The following ARHGEF28 variants were observed in gnomAD, a reference collection of about 807,000 sequenced individuals.
ARHGEF28 encodes the protein 190 kDa guanine nucleotide exchange factor.
ARHGEF28 carries 152 observed loss-of-function variants against 206.6 expected under a neutral mutation model. That is an observed-to-expected ratio of 0.74 (90% confidence interval 0.64 to 0.84). The LOEUF (loss-of-function observed/expected upper bound fraction) is 0.84, where lower values mean the gene tolerates loss of function less well. Among genes scored for constraint, ARHGEF28 ranks in the 40% least tolerant of loss-of-function variants. ARHGEF28 has a pLI of 0.00. For synonymous variants in ARHGEF28, 763 were observed against 776.4 expected (o/e 0.98, Z 0.29); for missense variants, 2,028 against 2,073.2 (o/e 0.98, Z 0.42).
intron 1 of ARHGEF28, among the ~76,000 whole-genome samples, chr5:73,666,678 AG>A (rs2112203533): frequency 6.6e-6 from 1 of 152,326 alleles, no homozygotes; most frequent in African/African-American, 2.4e-5. Flanking sequence ...TTTCTCATAA[AG>A]GGTTGCAGCC....
chr5:73,909,423 C>T lies in ARHGEF28; in HGVS notation c.4173C>T (p.Thr1391=), dbSNP rs1316053993. 1.9e-6 allele frequency: 3 copies of T among 1,600,778 alleles called. No individual in the cohort carries two copies. The highest frequency in any genetic ancestry group is 1.3e-5 in the African/African-American group (1 of 74,850). Residue 1391 remains threonine (T), a synonymous_variant, in exon 34 of 36, where the codon ACC becomes ACT. Coordinates refer to ENST00000513042, the MANE Select transcript of ARHGEF28 (RefSeq NM_001177693.2). ...GTCTGCTCTGACAGGCCGCCTTGAC[C>T]ATTCAGGACAGCCACATTGAGATCC... ...RLLYSLQAAL[T]IQDSHIEIHR...
chr5:73,833,408 G>T (rs565859335), intron 10 of ARHGEF28, among the ~76,000 whole-genome samples: 1 of 151,806 alleles, frequency 6.6e-6, no homozygotes, highest in African/African-American at 2.4e-5. Context: ...GCACATCTCT[G>T]CATTTTCCTT....
In ARHGEF28 at chr5:73,865,962, C is replaced by G. The variant is rs757476900; in HGVS notation, c.2104-3C>G. On this transcript the variant is annotated splice_region_variant and splice_polypyrimidine_tract_variant and intron_variant, in intron 17 of 35. Coordinates refer to ENST00000513042, the MANE Select transcript of ARHGEF28 (RefSeq NM_001177693.2). ...TTTATGTGTTTCTAATATTCTTTAC[C>G]AGAAATTCCAAGAGAAATATAACAA... 2 of 1,587,648 alleles carry G rather than the reference C, an allele frequency of 1.3e-6. No individual in the cohort carries two copies. Among genetic ancestry groups the G allele is most frequent in the Non-Finnish European group, 1.7e-6 (2 of 1,160,380 alleles).
In ARHGEF28 at chr5:73,752,967, T is replaced by C. The variant is rs1752097738; in HGVS notation, c.240T>C (p.Ser80=). 2.5e-6 allele frequency: 4 copies of C among 1,613,846 alleles called. No individual in the cohort carries two copies. The highest frequency in any genetic ancestry group is 3.4e-6 in the Non-Finnish European group (4 of 1,179,826). The part of the protein sequence containing the change: ...VSVCLCSEGY[S]PVTMGSGSVT... ...TGTGCCTCTGCTCGGAAGGTTACTC[T>C]CCGGTGACCATGGGCTCTGGCTCAG... The change falls in exon 4 of 36, where the codon TCT becomes TCC. Residue 80 remains serine (S), a synonymous_variant. Coordinates refer to ENST00000513042, the MANE Select transcript of ARHGEF28 (RefSeq NM_001177693.2).
intron 1 of ARHGEF28, among the ~76,000 whole-genome samples, chr5:73,681,704 A>G (rs1340681126): frequency 6.6e-6 from 1 of 152,146 alleles, no homozygotes; most frequent in Non-Finnish European, 1.5e-5. Context: ...AATACCAGCT[A>G]TTCGCTAGGC....
At chr5:73,709,600 G>T (rs1303957269) in intron 2 of ARHGEF28, among the ~76,000 whole-genome samples, 1 of 152,122 alleles carries the variant, frequency 6.6e-6, no homozygotes, top group Non-Finnish European at 1.5e-5. Flanking sequence ...TTGGTCAGCT[G>T]CTTGATTTAT....
Position 73,753,164 on chromosome 5 carries a change from C to G in ARHGEF28, c.437C>G (p.Pro146Arg). ...CTGGCTCTGACCCATCTGGAATTGC[C>G]TCTAGAGTGGACTGTGTTGGGAAGT... ...LVLALTHLEL[P>R]LEWTVLGSSS... is the part of the protein sequence containing the mutation. Residue 146 changes from proline to arginine, a missense_variant, in exon 4 of 36, where the codon CCT becomes CGT. Around this residue, in one of 3 missense-constraint regions of ARHGEF28, gnomAD observed 1,002 missense variants for 1,015.3 expected, o/e 0.99. Transcript: ENST00000513042. 6.5e-7 allele frequency: 1 copy of G among 1,542,904 alleles called. No homozygotes were observed. Among genetic ancestry groups the G allele is most frequent in the Non-Finnish European group, 8.7e-7 (1 of 1,147,542 alleles).
At chr5:73,637,943 T>C (rs1743831655) in intron 1 of ARHGEF28, among the ~76,000 whole-genome samples, 1 of 152,224 alleles carries the variant, frequency 6.6e-6, no homozygotes, top group African/African-American at 2.4e-5. Flanking sequence ...TTTTTTCTTC[T>C]TTCCTGTTAT....
intron 11 of ARHGEF28, among the ~76,000 whole-genome samples, chr5:73,845,143 A>C (rs1249894260): frequency 6.7e-6 from 1 of 148,756 alleles, no homozygotes; most frequent in Non-Finnish European, 1.5e-5. Context: ...TTAGCATCCC[A>C]AGTAGCTGGG....
intron 1 of ARHGEF28, among the ~76,000 whole-genome samples, chr5:73,636,304 T>G (rs1371123873): frequency 1.3e-5 from 2 of 152,224 alleles, no homozygotes; most frequent in Middle Eastern, 3.2e-3. Flanking sequence ...CTCACAATGG[T>G]AGGGCTGAGC....
At chr5:73,884,783 T>C (rs377632600) in intron 24 of ARHGEF28, among the ~76,000 whole-genome samples, 1 of 151,972 alleles carries the variant, frequency 6.6e-6, no homozygotes, top group Admixed American at 6.6e-5. Flanking sequence ...CAAATATCAA[T>C]GCTGCTCCAG....
At chr5:73,878,380 T>C (rs761109450) in intron 22 of ARHGEF28, among the ~76,000 whole-genome samples, 8 of 152,096 alleles carry the variant, frequency 5.3e-5, no homozygotes, top group Middle Eastern at 3.4e-3. Context: ...CTTTATCCAA[T>C]TTGCCAGTCT....
chr5:73,912,212 G>A lies in ARHGEF28; in HGVS notation c.4948+637G>A, dbSNP rs979495465. On this transcript the variant is annotated intron_variant, in intron 35 of 35. Transcript: ENST00000513042. ...ATGAATCCGAATGATTTAAATCTAT[G>A]TCTATTATAAATTGTTTTCTGGGGG... 2.0e-5 allele frequency among the ~76,000 whole-genome samples: 3 copies of A among 152,262 alleles called. No homozygotes were observed. In the East Asian group the frequency reaches 5.8e-4, roughly 29 times the overall value.
chr5:73,740,791 G>A lies in ARHGEF28; in HGVS notation c.34-9046G>A, dbSNP rs571215162. On this transcript the variant is annotated intron_variant, in intron 2 of 35. Transcript: ENST00000513042. ...TTCCATGGCCCAGGTGTGTCTGACAGGTATAAAGCAGAGCTGGACCATACT... is the reference window on the plus strand; with the variant it reads ...TTCCATGGCCCAGGTGTGTCTGACAAGTATAAAGCAGAGCTGGACCATACT... Among the ~76,000 whole-genome samples the A allele has an allele frequency of 1.2e-3, 186 of 152,266 alleles. 1 individual carries two copies. The highest frequency in any genetic ancestry group is 2.3e-3 in the Non-Finnish European group (155 of 68,016).
chr5:73,737,923 T>G lies in ARHGEF28; in HGVS notation c.34-11914T>G, dbSNP rs561785631. Among the ~76,000 whole-genome samples the G allele has an allele frequency of 2.1e-3, 324 of 152,284 alleles. 1 individual carries two copies. Among genetic ancestry groups the G allele is most frequent in the African/African-American group, 7.1e-3 (296 of 41,554 alleles). ...CTGCTTCTCTAGTTTCCATCAGGAC[T>G]TCAAGTTTTCCATGCTATGACTGGG... On this transcript the variant is annotated intron_variant, in intron 2 of 35. Transcript: ENST00000513042.
At chr5:73,775,947 TGTC>T (rs1753517002) in intron 5 of ARHGEF28, among the ~76,000 whole-genome samples, 1 of 152,312 alleles carries the variant, frequency 6.6e-6, no homozygotes, top group Admixed American at 6.5e-5. Context: ...AGGTTGGAAA[TGTC>T]GTTCCTTTGT....
intron 2 of ARHGEF28, among the ~76,000 whole-genome samples, chr5:73,708,920 A>G (rs915551724): frequency 5.3e-5 from 8 of 152,142 alleles, no homozygotes; most frequent in African/African-American, 1.9e-4. Flanking sequence ...GTGTGAGATA[A>G]TATCTCATCT....
At chr5:73,836,056 A>G (rs190968940) in intron 10 of ARHGEF28, among the ~76,000 whole-genome samples, 34 of 152,256 alleles carry the variant, frequency 2.2e-4, no homozygotes, top group Admixed American at 2.1e-3. Context: ...CTGTTGTTGG[A>G]CACTTAGGTT....
chr5:73,834,435 TG>T (rs1561440774), intron 10 of ARHGEF28, among the ~76,000 whole-genome samples: 1 of 152,176 alleles, frequency 6.6e-6, no homozygotes, highest in African/African-American at 2.4e-5. Flanking sequence ...ATGCAGTATT[TG>T]TTTTTCTGTG....
Sources: gnomAD v4.1 joint callset for allele counts (sites outside exome capture counted in the v4.1 genomes callset) on GRCh38, gnomAD v4.1.1 for gene constraint, gnomAD v4.1.1 regional missense constraint, MANE v1.5 for transcripts, NCBI Gene and HGNC (gene_info 2026-07-23, HGNC 2026-07-21) for gene names.